VAT1L: variants seen among roughly 807,000 people sequenced by gnomAD.
VAT1L encodes the protein vesicle amine transport 1 like.
VAT1L carries 34 observed loss-of-function variants against 44.1 expected under a neutral mutation model. The observed-to-expected ratio is 0.77, with a 90% CI of 0.59 to 1.03. The LOEUF (loss-of-function observed/expected upper bound fraction) is 1.03. Among genes scored for constraint, VAT1L ranks in the 50% least tolerant of loss-of-function variants. VAT1L has a pLI of 0.00. For synonymous variants in VAT1L, 253 were observed against 202.2 expected, an observed-to-expected ratio of 1.25 and a Z score of -2.13; for missense variants, 615 against 538.8, an observed-to-expected ratio of 1.14 and a Z score of -1.40.
intron 7 of VAT1L, among the ~76,000 whole-genome samples, chr16:77,918,372 C>A (rs1238824202): frequency 2.0e-5 from 3 of 152,178 alleles, no homozygotes; most frequent in Non-Finnish European, 4.4e-5. Flanking sequence ...GGCACATATT[C>A]AAACACATAT....
chr16:77,895,507 G>A (rs2017314769), intron 7 of VAT1L, among the ~76,000 whole-genome samples: 1 of 152,146 alleles, frequency 6.6e-6, no homozygotes, highest in East Asian at 1.9e-4. Context: ...AGTCAGAGGA[G>A]CAGATGCGAT....
At chr16:77,920,078 CAAAA>C (rs897266630) in intron 7 of VAT1L, among the ~76,000 whole-genome samples, 1 of 148,990 alleles carries the variant, frequency 6.7e-6, no homozygotes, top group African/African-American at 2.5e-5. Context: ...AGACTCTGTC[CAAAA>C]AAAAATAAAT....
chr16:77,947,221 A>G (rs984939204), intron 7 of VAT1L, among the ~76,000 whole-genome samples: 3 of 152,208 alleles, frequency 2.0e-5, no homozygotes, highest in South Asian at 4.1e-4. Flanking sequence ...CAGCGCTCAC[A>G]AGACCATCTG....
intron 7 of VAT1L, among the ~76,000 whole-genome samples, chr16:77,888,175 TGCAGACCAGGCCATTCTG>T (rs2017228024): frequency 6.6e-6 from 1 of 152,240 alleles, no homozygotes; most frequent in Non-Finnish European, 1.5e-5. Flanking sequence ...GCACAGCCAC[TGCAGACCAGGCCATTCTG>T]TCTCCCTTTA....
At chr16:77,919,877 C>A (rs1236175445) in intron 7 of VAT1L, among the ~76,000 whole-genome samples, 1 of 152,160 alleles carries the variant, frequency 6.6e-6, no homozygotes. Flanking sequence ...CACTTGCGGT[C>A]AGGAGTTTGA....
At chr16:77,902,563 A>G (rs2017393537) in intron 7 of VAT1L, among the ~76,000 whole-genome samples, 3 of 152,190 alleles carry the variant, frequency 2.0e-5, no homozygotes, top group Non-Finnish European at 2.9e-5. Context: ...ACAATATTAT[A>G]TTTGGTAAAA....
intron 3 of VAT1L, among the ~76,000 whole-genome samples, chr16:77,862,000 A>G (rs2016919341): frequency 6.6e-6 from 1 of 152,150 alleles, no homozygotes; most frequent in Admixed American, 6.5e-5. Context: ...CTACATCCAA[A>G]TCGTTATCTT....
chr16:77,965,238 G>T (rs1437044897), intron 7 of VAT1L, among the ~76,000 whole-genome samples: 2 of 152,164 alleles, frequency 1.3e-5, no homozygotes, highest in African/African-American at 2.4e-5. Context: ...ATAAATGAAT[G>T]AATGAATGAG....
chr16:77,844,462 G>A (rs1441607184), intron 3 of VAT1L, among the ~76,000 whole-genome samples: 2 of 151,976 alleles, frequency 1.3e-5, no homozygotes, highest in Non-Finnish European at 2.9e-5. Context: ...AGACTGGAGT[G>A]CAGTGGCGCT....
Position 77,942,738 on chromosome 16 carries a change from T to G in VAT1L, c.1078-29112T>G, listed in dbSNP as rs573183405. 1.1e-3 allele frequency among the ~76,000 whole-genome samples: 160 copies of G among 151,834 alleles called. 1 individual carries two copies. Among genetic ancestry groups the G allele is most frequent in the Admixed American group, 4.5e-3 (69 of 15,246 alleles). ...CCTGTTTTTTGTTGTTGTTGTTGTTTTTTGTTTTTTGTCTTTGTTTTTTTG... is the reference window on the plus strand; with the variant it reads ...CCTGTTTTTTGTTGTTGTTGTTGTTGTTTGTTTTTTGTCTTTGTTTTTTTG... On this transcript the variant is annotated intron_variant, in intron 7 of 8. Transcript: ENST00000302536.
At chr16:77,829,595 G>C (rs751404218) in intron 3 of VAT1L, among the ~76,000 whole-genome samples, 10 of 152,322 alleles carry the variant, frequency 6.6e-5, no homozygotes, top group African/African-American at 9.6e-5. Context: ...GCCCCAAATG[G>C]CAGTGCTCTT....
chr16:77,864,977 T>C (rs1226727829), intron 4 of VAT1L, among the ~76,000 whole-genome samples: 1 of 144,004 alleles, frequency 6.9e-6, no homozygotes, highest in East Asian at 2.0e-4. Flanking sequence ...CTTTTTTTTT[T>C]TTTTTTTTTT....
At chr16:77,897,705 G>A (rs1408959699) in intron 7 of VAT1L, among the ~76,000 whole-genome samples, 1 of 152,124 alleles carries the variant, frequency 6.6e-6, no homozygotes, top group Non-Finnish European at 1.5e-5. Context: ...GAACTCCTGA[G>A]CTCAGGTGAT....
intron 7 of VAT1L, among the ~76,000 whole-genome samples, chr16:77,966,728 A>G (rs2018226518): frequency 6.6e-6 from 1 of 152,176 alleles, no homozygotes; most frequent in Non-Finnish European, 1.5e-5. Flanking sequence ...ACTCTTACTG[A>G]AATAGTTTGG....
intron 7 of VAT1L, among the ~76,000 whole-genome samples, chr16:77,897,721 G>A (rs569200014): frequency 2.0e-5 from 3 of 152,176 alleles, no homozygotes; most frequent in East Asian, 3.9e-4. Context: ...GTGATCCACC[G>A]GCCTCGGCCT....
At chr16:77,902,943 G>A (rs996948341) in intron 7 of VAT1L, among the ~76,000 whole-genome samples, 8 of 146,100 alleles carry the variant, frequency 5.5e-5, no homozygotes, top group Non-Finnish European at 8.9e-5. Flanking sequence ...ACTGCACTCC[G>A]GCCTGGGCCA....
rs551372905 is a variant in VAT1L at position 77,942,617 on chromosome 16, A to G, written c.1078-29233A>G. Among the ~76,000 whole-genome samples the G allele has an allele frequency of 4.6e-5, 7 of 152,306 alleles. No homozygotes were observed. In the South Asian group the frequency reaches 8.3e-4, roughly 18 times the overall value. On this transcript the variant is annotated intron_variant, in intron 7 of 8. Transcript: ENST00000302536. ...ATAGTTGCCTCATTTCTCTTTTTCAATTACTGACTCTCCCAACATAGAAGG... is the reference window on the plus strand; with the variant it reads ...ATAGTTGCCTCATTTCTCTTTTTCAGTTACTGACTCTCCCAACATAGAAGG...
intron 3 of VAT1L, among the ~76,000 whole-genome samples, chr16:77,847,237 C>A (rs553468158): frequency 6.6e-6 from 1 of 151,844 alleles, no homozygotes; most frequent in Non-Finnish European, 1.5e-5. Context: ...AAAAAAAGCT[C>A]TTAAACTATG....
intron 2 of VAT1L, among the ~76,000 whole-genome samples, chr16:77,819,131 A>G (rs1240570096): frequency 6.6e-6 from 1 of 152,082 alleles, no homozygotes; most frequent in Non-Finnish European, 1.5e-5. Context: ...ATGAAATGGA[A>G]GTGATGGAGC....
Sources: allele counts gnomAD v4.1 joint callset (sites outside exome capture counted in the v4.1 genomes callset), GRCh38; gene constraint gnomAD v4.1.1; transcripts MANE v1.5; gene names NCBI Gene and HGNC (gene_info 2026-07-23, HGNC 2026-07-21).